NOX4: variants seen among roughly 807,000 people sequenced by gnomAD.
NOX4 encodes kidney oxidase-1.
A neutral mutation model predicts 87.6 loss-of-function variants in NOX4; 69 were observed. The ratio of observed to expected loss-of-function variants is 0.79; its 90% CI spans 0.65 to 0.96. The LOEUF is 0.96. Ranked by LOEUF, NOX4 falls within the 40% of genes least tolerant of loss-of-function variation. NOX4 has a pLI of 0.00. For synonymous variants in NOX4, 275 were observed against 238.2 expected, an observed-to-expected ratio of 1.15 and a Z score of -1.42; for missense variants, 680 against 681.5, an observed-to-expected ratio of 1.00 and a Z score of 0.02.
intron 17 of NOX4, among the ~76,000 whole-genome samples, 176 bp downstream of exon 17, chr11:89,335,669 A>G (rs1393801412): frequency 6.6e-6 from 1 of 151,910 alleles, no homozygotes; most frequent in Non-Finnish European, 1.5e-5. Context: ...ATTTGGAATT[A>G]CAAAAATGTA....
intron 11 of NOX4, among the ~76,000 whole-genome samples, chr11:89,398,477 AG>A (rs1220021237): frequency 6.6e-6 from 1 of 151,634 alleles, no homozygotes; most frequent in East Asian, 2.0e-4. Flanking sequence ...GGCAATCTGA[AG>A]TAAATTTCTT....
chr11:89,576,170 C>T, the NOX4 span, among the ~76,000 whole-genome samples: 76 of 152,266 alleles, frequency 5.0e-4, 1 homozygote, highest in East Asian at 0.012. Flanking sequence ...TTTAAAACTG[C>T]TTGTAGTCAA....
intron 2 of NOX4, among the ~76,000 whole-genome samples, chr11:89,475,956 A>T (rs575897763): frequency 6.6e-6 from 1 of 152,226 alleles, no homozygotes; most frequent in Admixed American, 6.5e-5. Flanking sequence ...TTAGCAAACA[A>T]TTTTGGAAAA....
At chr11:89,428,786 G>A (rs1409343542) in intron 7 of NOX4, among the ~76,000 whole-genome samples, 1 of 152,126 alleles carries the variant, frequency 6.6e-6, no homozygotes, top group Non-Finnish European at 1.5e-5. Context: ...ACACCCCACT[G>A]TCAACATTAG....
At chr11:89,403,545 GC>G (rs1407609336) in intron 8 of NOX4, among the ~76,000 whole-genome samples, 3 of 152,034 alleles carry the variant, frequency 2.0e-5, no homozygotes, top group African/African-American at 7.2e-5. Context: ...TTCGAGACCA[GC>G]CTGACCAACA....
chr11:89,357,122 A>G (rs111366689), intron 12 of NOX4, among the ~76,000 whole-genome samples: 2,114 of 152,316 alleles, frequency 0.014, 24 homozygotes, highest in Non-Finnish European at 0.021. Context: ...CGGCAGTCAC[A>G]AAGTGGCCAG....
intron 1 of NOX4, chr11:89,490,909 G>T: frequency 1.4e-6 from 1 of 701,586 alleles, no homozygotes; most frequent in South Asian, 1.5e-5. Flanking sequence ...ATGTTTAAAG[G>T]GTAAAAAGAA....
the NOX4 span, among the ~76,000 whole-genome samples, chr11:89,526,505 A>G: frequency 6.6e-6 from 1 of 152,178 alleles, no homozygotes. Context: ...CCACCCAAAT[A>G]TCATCTTGAA....
chr11:89,482,221 C>A (rs566625604), intron 2 of NOX4, among the ~76,000 whole-genome samples: 1 of 152,006 alleles, frequency 6.6e-6, no homozygotes, highest in Non-Finnish European at 1.5e-5. Context: ...TTTGCCATGT[C>A]ATTCTGGAAT....
chr11:89,383,612 A>G (rs1220163792), intron 11 of NOX4, among the ~76,000 whole-genome samples: 1 of 152,194 alleles, frequency 6.6e-6, no homozygotes, highest in African/African-American at 2.4e-5. Context: ...CCTTGCCTCC[A>G]TAACTGTTGT....
intron 11 of NOX4, among the ~76,000 whole-genome samples, chr11:89,375,810 G>A (rs1184051578): frequency 6.6e-6 from 1 of 152,142 alleles, no homozygotes; most frequent in Non-Finnish European, 1.5e-5. Flanking sequence ...TTGTCCACAT[G>A]TCACTGGATG....
chr11:89,478,246 CAGGTTA>C (rs1946249776), intron 2 of NOX4, among the ~76,000 whole-genome samples: 2 of 152,164 alleles, frequency 1.3e-5, no homozygotes, highest in Admixed American at 1.3e-4. Flanking sequence ...AAACTAAACA[CAGGTTA>C]ACCTAAATTG....
At chr11:89,452,915 G>T (rs1231971986) in intron 2 of NOX4, among the ~76,000 whole-genome samples, 2 of 151,948 alleles carry the variant, frequency 1.3e-5, no homozygotes, top group Non-Finnish European at 2.9e-5. Context: ...ATGGTGTAAT[G>T]CACCCGCAGT....
the NOX4 span, among the ~76,000 whole-genome samples, chr11:89,566,096 G>A: frequency 5.4e-5 from 8 of 147,078 alleles, 1 homozygote; most frequent in Admixed American, 3.5e-4. Context: ...AGGCTGGAGT[G>A]TAGTGGTGCA....
At chr11:89,520,855 C>T in the NOX4 span, among the ~76,000 whole-genome samples, 1 of 152,260 alleles carries the variant, frequency 6.6e-6, no homozygotes, top group East Asian at 1.9e-4. Flanking sequence ...TTTCAGGATA[C>T]AAAATCAATG....
chr11:89,425,250 G>A (rs1565272472), intron 7 of NOX4, among the ~76,000 whole-genome samples: 2 of 151,964 alleles, frequency 1.3e-5, no homozygotes, highest in East Asian at 3.9e-4. Flanking sequence ...TTAGTGAGTT[G>A]CCTTTCTGTA....
At chr11:89,432,673 C>T in intron 7 of NOX4, 111 bp downstream of exon 7, 3 of 735,494 alleles carry the variant, frequency 4.1e-6, no homozygotes, top group Non-Finnish European at 7.1e-6. Context: ...CTTACTTACC[C>T]AGAATAGTCC....
intron 2 of NOX4, among the ~76,000 whole-genome samples, chr11:89,457,159 C>T (rs1267803866): frequency 6.6e-6 from 1 of 152,220 alleles, no homozygotes; most frequent in African/African-American, 2.4e-5. Context: ...TCCCTCTCCC[C>T]ATGTGGGCAG....
In NOX4 at chr11:89,441,660, G is replaced by A. The variant is rs1301852442; in HGVS notation, c.448-945C>T. Among the ~76,000 whole-genome samples the A allele has an allele frequency of 7.2e-5, 11 of 152,136 alleles. 1 individual carries two copies. The highest frequency in any genetic ancestry group is 3.4e-3 in the Middle Eastern group (1 of 294). ...TAAACAACCCATAAAAATATCATATGGGCTGAACAAAGTGGTAAGAATAGA... is the reference window on the plus strand; with the variant it reads ...TAAACAACCCATAAAAATATCATATAGGCTGAACAAAGTGGTAAGAATAGA... On this transcript the variant is annotated intron_variant, in intron 5 of 17. Transcript: ENST00000263317.
Sources: allele counts gnomAD v4.1 joint callset (sites outside exome capture counted in the v4.1 genomes callset), GRCh38; gene constraint gnomAD v4.1.1; transcripts MANE v1.5; gene names NCBI Gene and HGNC (gene_info 2026-07-23, HGNC 2026-07-21).